Variants in CCDC28A observed in about 807,000 individuals in gnomAD.
The protein encoded by CCDC28A is coiled-coil domain-containing protein 28A.
Under a neutral mutation model 22.1 loss-of-function variants are expected in CCDC28A, and 24 were observed. That is an observed-to-expected ratio of 1.09 (90% CI 0.79 to 1.53). CCDC28A has a LOEUF of 1.53. Among genes scored for constraint, CCDC28A ranks in the 40% most tolerant of loss-of-function variants. CCDC28A has a pLI of 0.00. For synonymous variants in CCDC28A, 83 were observed against 74.7 expected (o/e 1.11, Z -0.57); for missense variants, 170 against 210.7 (o/e 0.81, Z 1.20).
Position 138,791,422 on chromosome 6 carries a change from G to C in CCDC28A, c.501-1327G>C, listed in dbSNP as rs559931798. On this transcript the variant is annotated intron_variant, in intron 5 of 5. Coordinates refer to ENST00000617445, the MANE Select transcript of CCDC28A (RefSeq NM_015439.3). ...TTGAACAGTGTTGCTCTAAACTTTA[G>C]GTATTGCTACAAAATTAATATTCTT... Among the ~76,000 whole-genome samples the C allele has an allele frequency of 4.7e-4, 71 of 152,114 alleles. No homozygotes were observed. In the South Asian group the frequency reaches 0.011, roughly 24 times the overall value.
chr6:138,793,024 G>A lies in CCDC28A; in HGVS notation c.*221G>A. The A allele has an allele frequency of 1.9e-6, 1 of 535,694 alleles. No homozygotes were observed. Among genetic ancestry groups the A allele is most frequent in the Non-Finnish European group, 3.4e-6 (1 of 297,380 alleles). 33.2% of individuals were successfully genotyped at this position (535,694 alleles called of 1,614,324 possible). On this transcript the variant is annotated 3_prime_UTR_variant, in exon 6 of 6. Coordinates refer to ENST00000617445, the MANE Select transcript of CCDC28A (RefSeq NM_015439.3). ...TGTTGAAGGCTTCATCAGGAAATGT[G>A]ACGCAGAGATTGTGCTGCTGTGCTT...
At chr6:138,783,219 A>T (rs1775045805) in intron 3 of CCDC28A, among the ~76,000 whole-genome samples, 1 of 151,844 alleles carries the variant, frequency 6.6e-6, no homozygotes, top group African/African-American at 2.4e-5. Context: ...TTAAAGGAAG[A>T]ATACATAATT....
At position 138,773,905 on chromosome 6, in the gene CCDC28A, A is replaced by T; in HGVS notation, c.-43+3A>T. Reference sequence around the variant, plus strand: ...GCCCCAATACCCTTCTTCTTCAGGTATGTAGTGGAAGCAAAGGAACCTCCG... The same window carrying T: ...GCCCCAATACCCTTCTTCTTCAGGTTTGTAGTGGAAGCAAAGGAACCTCCG... On this transcript the variant is annotated splice_donor_region_variant and intron_variant, in intron 1 of 5. Transcript: ENST00000617445. 6.2e-7 allele frequency: 1 copy of T among 1,612,222 alleles called. No individual in the cohort carries two copies. The highest frequency in any genetic ancestry group is 2.2e-5 in the East Asian group (1 of 44,856).
chr6:138,779,794 A>C, intron 2 of CCDC28A, 28 bp from the exon 3 acceptor site: 1 of 1,577,632 alleles, frequency 6.3e-7, no homozygotes, highest in South Asian at 1.2e-5. Flanking sequence ...GAATAGCCTA[A>C]AAAGCCTAAA....
chr6:138,774,035 C>A, intron 1 of CCDC28A, 133 bp downstream of exon 1: 1 of 1,086,750 alleles, frequency 9.2e-7, no homozygotes. Context: ...GAGGTGATGT[C>A]AAGAGGGATG....
At chr6:138,790,591 G>C (rs911907845) in intron 5 of CCDC28A, among the ~76,000 whole-genome samples, 2 of 152,078 alleles carry the variant, frequency 1.3e-5, no homozygotes, top group African/African-American at 4.8e-5. Context: ...TGTAGGCTTT[G>C]GAATGCTTGG....
intron 2 of CCDC28A, 125 bp downstream of exon 2, chr6:138,776,403 G>C: frequency 1.4e-6 from 1 of 709,078 alleles, no homozygotes; most frequent in Non-Finnish European, 2.4e-6. Flanking sequence ...CCCATTATGC[G>C]TGATTTAGAA....
intron 1 of CCDC28A, among the ~76,000 whole-genome samples, chr6:138,775,818 A>G (rs545440015): frequency 1.3e-5 from 2 of 152,346 alleles, no homozygotes; most frequent in East Asian, 1.9e-4. Flanking sequence ...CTTGTGGAAG[A>G]GAATCAGTAA....
At chr6:138,777,669 G>T (rs1202531020) in intron 2 of CCDC28A, among the ~76,000 whole-genome samples, 1 of 152,164 alleles carries the variant, frequency 6.6e-6, no homozygotes, top group Non-Finnish European at 1.5e-5. Context: ...TTGCTTTATT[G>T]TTGAATTATG....
chr6:138,783,259 G>T (rs909422823), intron 3 of CCDC28A, among the ~76,000 whole-genome samples: 1 of 145,010 alleles, frequency 6.9e-6, no homozygotes. Context: ...ATTTGAAGTC[G>T]TTATTGAACT....
At chr6:138,773,929 C>G (rs774875009) in intron 1 of CCDC28A, 27 bp downstream of exon 1, 2 of 1,607,998 alleles carry the variant, frequency 1.2e-6, no homozygotes, top group South Asian at 1.1e-5. Context: ...AAGGAACCTC[C>G]GCAACCTGCC....
intron 5 of CCDC28A, 52 bp from the exon 6 acceptor site, chr6:138,792,697 G>A: frequency 9.0e-7 from 1 of 1,110,372 alleles, no homozygotes; most frequent in South Asian, 1.3e-5. Context: ...TTTCAGAAAT[G>A]TAAAAGAAGT....
chr6:138,776,196 A>G lies in CCDC28A; in HGVS notation c.76A>G (p.Lys26Glu), dbSNP rs1774930719. 6.2e-7 allele frequency: 1 copy of G among 1,614,020 alleles called. No homozygotes were observed. Among genetic ancestry groups the G allele is most frequent in the Non-Finnish European group, 8.5e-7 (1 of 1,179,986 alleles). Residue 26 changes from lysine (K) to glutamate (E), a missense_variant, in exon 2 of 6, where the codon AAA becomes GAA. Lys to Glu is a moderately conservative substitution (Grantham distance 56). Coordinates refer to ENST00000617445, the MANE Select transcript of CCDC28A (RefSeq NM_015439.3). ...AHCTQVVNAK[K>E]NAIPVSKSTG... ...CTGTACTCAGGTTGTCAATGCCAAA[A>G]AAAATGCCATTCCAGTGAGTAAAAG...
At chr6:138,791,308 C>T (rs1399734056) in intron 5 of CCDC28A, among the ~76,000 whole-genome samples, 1 of 151,990 alleles carries the variant, frequency 6.6e-6, no homozygotes, top group Non-Finnish European at 1.5e-5. Context: ...TCTCAAACTC[C>T]TGGGCTCAAG....
intron 5 of CCDC28A, among the ~76,000 whole-genome samples, chr6:138,790,599 T>C (rs1225304096): frequency 6.6e-6 from 1 of 152,216 alleles, no homozygotes. Flanking sequence ...TTGGAATGCT[T>C]GGTAGGCAGC....
chr6:138,788,200 G>A (rs370060231), intron 4 of CCDC28A, among the ~76,000 whole-genome samples, 166 bp from the exon 5 acceptor site: 19 of 151,936 alleles, frequency 1.3e-4, no homozygotes, highest in African/African-American at 3.9e-4. Flanking sequence ...GGCTCAAGCA[G>A]TTCTCCCGCC....
chr6:138,790,586 G>C (rs1775157769), intron 5 of CCDC28A, among the ~76,000 whole-genome samples: 1 of 152,168 alleles, frequency 6.6e-6, no homozygotes, highest in Non-Finnish European at 1.5e-5. Context: ...AAGAGTGTAG[G>C]CTTTGGAATG....
At chr6:138,790,075 C>A (rs534000420) in intron 5 of CCDC28A, among the ~76,000 whole-genome samples, 1 of 151,840 alleles carries the variant, frequency 6.6e-6, no homozygotes, top group Admixed American at 6.6e-5. Context: ...GCAAGAAGTT[C>A]TCTTTCTTCC....
chr6:138,787,397 C>T (rs1474329516), intron 4 of CCDC28A, among the ~76,000 whole-genome samples: 4 of 152,126 alleles, frequency 2.6e-5, no homozygotes, highest in African/African-American at 7.2e-5. Flanking sequence ...TAATTTTGAA[C>T]TTTCCTACCT....
Sources: allele counts gnomAD v4.1 joint callset (sites outside exome capture counted in the v4.1 genomes callset), GRCh38; gene constraint gnomAD v4.1.1; transcripts MANE v1.5; gene names NCBI Gene and HGNC (gene_info 2026-07-23, HGNC 2026-07-21).